FLI1: variants seen among roughly 807,000 people sequenced by gnomAD.
The protein encoded by FLI1 is Friend leukemia integration 1 transcription factor.
Under a neutral mutation model 53.1 loss-of-function variants are expected in FLI1, and 13 were observed. The ratio of observed to expected loss-of-function variants is 0.24; its 90% confidence interval spans 0.16 to 0.39. The LOEUF (loss-of-function observed/expected upper bound fraction) is 0.39. FLI1 is among the 10% of genes least tolerant of loss of function. The pLI is 1.00. For synonymous variants in FLI1, 244 were observed against 236.7 expected (o/e 1.03, Z -0.28); for missense variants, 424 against 600.5 (o/e 0.71, Z 3.07).
chr11:128,759,025 C>T (rs1009469942), intron 2 of FLI1, among the ~76,000 whole-genome samples: 3 of 152,238 alleles, frequency 2.0e-5, no homozygotes, highest in African/African-American at 7.2e-5. Context: ...CCTTCTCAAA[C>T]AGGACTGGGA....
At chr11:128,785,939 G>A (rs1267292772) in intron 5 of FLI1, among the ~76,000 whole-genome samples, 1 of 152,202 alleles carries the variant, frequency 6.6e-6, no homozygotes, top group African/African-American at 2.4e-5. Context: ...GCATAGCATT[G>A]TGAATGTACT....
intron 5 of FLI1, among the ~76,000 whole-genome samples, chr11:128,787,864 T>C (rs1280060268): frequency 1.4e-5 from 2 of 146,550 alleles, no homozygotes; most frequent in African/African-American, 2.5e-5. Flanking sequence ...TGGAGTGCGG[T>C]GGCGTGATCT....
chr11:128,770,014 G>T (rs1941493896), intron 3 of FLI1, among the ~76,000 whole-genome samples: 1 of 152,180 alleles, frequency 6.6e-6, no homozygotes, highest in Non-Finnish European at 1.5e-5. Flanking sequence ...GGGAGGGAAA[G>T]CTTGCTGGAC....
In FLI1 at chr11:128,737,237, C is replaced by A. The variant is rs75701727; in HGVS notation, c.19-20878C>A. The stretch of plus-strand genomic sequence containing the variant: ...GGTGCAAGCTCATCCACTCCCTCAT[C>A]TGTAAAATGGGTTAGTTCCCTGACC... On this transcript the variant is annotated intron_variant, in intron 1 of 8. Transcript: ENST00000527786. 7.5e-3 allele frequency among the ~76,000 whole-genome samples: 1,137 copies of A among 152,262 alleles called. 26 individuals are homozygous for A. The highest frequency in any genetic ancestry group is 0.026 in the African/African-American group (1,085 of 41,540).
At chr11:128,718,228 G>T (rs903616378) in intron 1 of FLI1, among the ~76,000 whole-genome samples, 2 of 152,204 alleles carry the variant, frequency 1.3e-5, no homozygotes, top group African/African-American at 4.8e-5. Flanking sequence ...TGAGAGGTAG[G>T]CAGGGCAGCT....
At chr11:128,795,559 A>ATT (rs33948261) in intron 5 of FLI1, among the ~76,000 whole-genome samples, 24,593 of 136,450 alleles carry the variant, frequency 0.18, 2,485 homozygotes, top group Non-Finnish European at 0.2. Context: ...ATAGAAAGCA[A>ATT]TTTTTTTTTT....
chr11:128,726,934 GA>G (rs1029707351), intron 1 of FLI1, among the ~76,000 whole-genome samples: 17 of 152,272 alleles, frequency 1.1e-4, no homozygotes, highest in Non-Finnish European at 2.1e-4. Context: ...GGCTGGGGCA[GA>G]GGGGGGAAGA....
At chr11:128,733,806 A>T (rs994215455) in intron 1 of FLI1, among the ~76,000 whole-genome samples, 1 of 152,196 alleles carries the variant, frequency 6.6e-6, no homozygotes, top group Non-Finnish European at 1.5e-5. Context: ...TTCCTTTCAC[A>T]TGGAGCAAAG....
Position 128,782,022 on chromosome 11 carries a change from A to C in FLI1, c.654A>C (p.Glu218Asp), listed in dbSNP as rs374117160. The change falls in exon 5 of 9, where the codon GAA becomes GAC. Residue 218 changes from glutamate to aspartate, a missense_variant and splice_region_variant. Around this residue, in one of 5 missense-constraint regions of FLI1, gnomAD observed 114 missense variants for 117.9 expected, o/e 0.97. Transcript: ENST00000527786. ...AATCCTCACGATTGAGTGTCAAAGAAGGTAAGTTTGTTCTTTTGTGCACTT... is the reference window on the plus strand; with the variant it reads ...AATCCTCACGATTGAGTGTCAAAGACGGTAAGTTTGTTCTTTTGTGCACTT... The part of the protein sequence containing the change: ...TDQSSRLSVK[E>D]DPSYDSVRRG... The C allele has an allele frequency of 6.2e-7, 1 of 1,613,328 alleles. No homozygotes were observed. Among genetic ancestry groups the C allele is most frequent in the Middle Eastern group, 1.6e-4 (1 of 6,062 alleles).
intron 5 of FLI1, among the ~76,000 whole-genome samples, chr11:128,788,144 G>A (rs752137312): frequency 1.3e-5 from 2 of 152,024 alleles, no homozygotes; most frequent in Admixed American, 6.6e-5. Flanking sequence ...GGTCGTGAAG[G>A]ATACTATACA....
chr11:128,802,300 C>A (rs182376045), intron 5 of FLI1, among the ~76,000 whole-genome samples: 2 of 152,314 alleles, frequency 1.3e-5, no homozygotes, highest in Admixed American at 1.3e-4. Flanking sequence ...TCTCCTCGAG[C>A]CCCAGAGCCT....
chr11:128,738,363 A>G (rs1037777264), intron 1 of FLI1, among the ~76,000 whole-genome samples: 6 of 152,170 alleles, frequency 3.9e-5, no homozygotes, highest in African/African-American at 1.4e-4. Context: ...ATACAAGACA[A>G]CCAAGGCCTC....
intron 1 of FLI1, among the ~76,000 whole-genome samples, chr11:128,745,074 G>T (rs1178229440): frequency 3.3e-5 from 5 of 152,208 alleles, no homozygotes; most frequent in Non-Finnish European, 7.3e-5. Flanking sequence ...AGGTGAAGCT[G>T]CATATGTATA....
At chr11:128,775,461 G>C (rs1328978203) in intron 4 of FLI1, among the ~76,000 whole-genome samples, 1 of 152,098 alleles carries the variant, frequency 6.6e-6, no homozygotes, top group African/African-American at 2.4e-5. Context: ...TTAGATTCAT[G>C]CTGCTTTTTA....
At chr11:128,690,389 C>A (rs953406188), upstream of FLI1, among the ~76,000 whole-genome samples, 1 of 152,106 alleles carries the variant, frequency 6.6e-6, no homozygotes, top group African/African-American at 2.4e-5. Context: ...TTTCAAGTGA[C>A]GGAGCCACCC....
chr11:128,714,844 G>C (rs1295616895), intron 1 of FLI1, among the ~76,000 whole-genome samples: 4 of 151,480 alleles, frequency 2.6e-5, no homozygotes, highest in African/African-American at 9.8e-5. Flanking sequence ...GTGTAGCTTG[G>C]ACTACAGGCA....
chr11:128,732,441 G>T (rs922014109), intron 1 of FLI1, among the ~76,000 whole-genome samples: 4 of 152,240 alleles, frequency 2.6e-5, no homozygotes, highest in African/African-American at 9.6e-5. Context: ...TACTCTGCCA[G>T]GCATTGTGCT....
rs57735591 is a variant in FLI1 at position 128,702,499 on chromosome 11, G to A, written c.18+8223G>A. Among the ~76,000 whole-genome samples the A allele has an allele frequency of 3.0e-3, 460 of 152,302 alleles. 1 individual carries two copies. Among genetic ancestry groups the A allele is most frequent in the African/African-American group, 0.01 (436 of 41,556 alleles). On this transcript the variant is annotated intron_variant, in intron 1 of 8. Coordinates refer to ENST00000527786, the MANE Select transcript of FLI1 (RefSeq NM_002017.5). The stretch of plus-strand genomic sequence containing the variant: ...TTTACTGTAAGGATATTTTTGGAAG[G>A]CTAGGTCTTCAGCCAAGGATATTTC...
intron 3 of FLI1, 33 bp downstream of exon 3, chr11:128,768,305 T>A: frequency 6.4e-7 from 1 of 1,568,330 alleles, no homozygotes; most frequent in Non-Finnish European, 8.6e-7. Flanking sequence ...TGGGCGCCAT[T>A]CACTTCCCCA....
Sources: allele counts gnomAD v4.1 joint callset (sites outside exome capture counted in the v4.1 genomes callset), GRCh38; gene constraint gnomAD v4.1.1; regional missense constraint gnomAD v4.1.1; transcripts MANE v1.5; gene names NCBI Gene and HGNC (gene_info 2026-07-23, HGNC 2026-07-21).